Variants in AMZ1 observed in about 807,000 individuals in gnomAD.
The protein encoded by AMZ1 is archaelysin family metallopeptidase 1, also known as archaemetzincin-1.
AMZ1 carries 39 observed loss-of-function variants against 29.9 expected under a neutral mutation model. The observed-to-expected ratio is 1.30, with a 90% CI of 1.01 to 1.70. AMZ1 has a LOEUF of 1.70. Among genes scored for constraint, AMZ1 ranks in the 40% most tolerant of loss-of-function variants. AMZ1 has a pLI of 0.00. For missense variants in AMZ1, 1,041 were observed against 680.6 expected, an observed-to-expected ratio of 1.53 and a Z score of -5.89; for synonymous variants, 458 against 304.0, an observed-to-expected ratio of 1.51 and a Z score of -5.27.
chr7:2,751,425 A>G (rs1211833643), intron 4 of AMZ1, among the ~76,000 whole-genome samples: 1 of 151,966 alleles, frequency 6.6e-6, no homozygotes, highest in Non-Finnish European at 1.5e-5. Context: ...AGCTTATAGA[A>G]GAGAAAAAAT....
chr7:2,754,018 C>A (rs892456556), intron 4 of AMZ1, among the ~76,000 whole-genome samples: 9 of 152,198 alleles, frequency 5.9e-5, no homozygotes, highest in African/African-American at 2.2e-4. Flanking sequence ...TACATCTAAA[C>A]CCTTAAGTTC....
chr7:2,712,368 G>C lies in AMZ1; in HGVS notation c.987G>C (p.Trp329Cys). Residue 329 changes from tryptophan to cysteine, a missense_variant, in exon 7 of 7, where the codon TGG (tryptophan) becomes TGC (cysteine). Trp to Cys is a radical substitution (Grantham distance 215). Coordinates refer to ENST00000683327, the MANE Select transcript of AMZ1 (RefSeq NM_001384743.1). Reference sequence around the variant, plus strand: ...GGACTCAGGCGGTGGTGGGGACGTGGCCCAGCCAGGAGGCGGGGGAGCCGT... The same window carrying C: ...GGACTCAGGCGGTGGTGGGGACGTGCCCCAGCCAGGAGGCGGGGGAGCCGT... Reference protein sequence around the residue: ...YTWTQAVVGTWPSQEAGEPSV... With the variant: ...YTWTQAVVGTCPSQEAGEPSV... 1 of 1,603,910 alleles carries C rather than the reference G, an allele frequency of 6.2e-7. No homozygotes were observed. The highest frequency in any genetic ancestry group is 8.5e-7 in the Non-Finnish European group (1 of 1,174,998).
intron 4 of AMZ1, among the ~76,000 whole-genome samples, chr7:2,749,654 A>C (rs954702911): frequency 3.9e-5 from 6 of 152,178 alleles, no homozygotes; most frequent in African/African-American, 4.8e-5. Context: ...TAGAACTTAA[A>C]GTATAATAAT....
At chr7:2,721,010 T>A (rs909297201), downstream of AMZ1, among the ~76,000 whole-genome samples, 1 of 152,216 alleles carries the variant, frequency 6.6e-6, no homozygotes, top group African/African-American at 2.4e-5. Flanking sequence ...TGTCACAGCA[T>A]GTTTCCTGTG....
chr7:2,751,940 C>T (rs1043155644), intron 4 of AMZ1, among the ~76,000 whole-genome samples: 4 of 152,164 alleles, frequency 2.6e-5, no homozygotes, highest in African/African-American at 9.7e-5. Flanking sequence ...AGAAATAACA[C>T]TAACGAACGT....
Position 2,714,303 on chromosome 7 carries a change from C to G in AMZ1, c.*1425C>G, listed in dbSNP as rs1027975121. 3 of 152,376 alleles carry G rather than the reference C, an allele frequency of 2.0e-5. No homozygotes were observed. The highest frequency in any genetic ancestry group is 1.3e-4 in the Admixed American group (2 of 15,278). The allele number at this position is 152,376 out of a possible 1,614,324, so 9.4% of individuals were successfully genotyped here. ...AGAAAAACAAAATACAAAACTAAAA[C>G]TAGAAGGGCTATGCAGGTGAGGTGG... is the stretch of plus-strand genomic sequence containing the variant. On this transcript the variant is annotated 3_prime_UTR_variant, in exon 7 of 7. Coordinates refer to ENST00000683327, the MANE Select transcript of AMZ1 (RefSeq NM_001384743.1).
chr7:2,709,424 G>T (rs6960470), intron 5 of AMZ1, among the ~76,000 whole-genome samples, 180 bp downstream of exon 5: 1 of 152,080 alleles, frequency 6.6e-6, no homozygotes, highest in African/African-American at 2.4e-5. Flanking sequence ...AGAGCCCCAA[G>T]CCCCTATCCT....
intron 4 of AMZ1, among the ~76,000 whole-genome samples, chr7:2,737,439 C>G (rs1583212938): frequency 6.6e-6 from 1 of 152,002 alleles, no homozygotes; most frequent in South Asian, 2.1e-4. Flanking sequence ...CAGGCGTGCA[C>G]TACCACACCC....
chr7:2,742,513 G>A (rs1024400656), intron 4 of AMZ1, among the ~76,000 whole-genome samples: 1 of 152,180 alleles, frequency 6.6e-6, no homozygotes. Context: ...TGGACTCACA[G>A]ACGCTGTCAT....
intron 5 of AMZ1, 27 bp from the exon 6 acceptor site, chr7:2,709,613 C>A (rs780649796): frequency 6.2e-7 from 1 of 1,600,078 alleles, no homozygotes; most frequent in African/African-American, 1.3e-5. Flanking sequence ...GGCAGTGAGG[C>A]AAGGTGCTTG....
intron 1 of AMZ1, among the ~76,000 whole-genome samples, chr7:2,693,179 G>T (rs900361335): frequency 1.3e-5 from 2 of 152,170 alleles, no homozygotes; most frequent in African/African-American, 2.4e-5. Context: ...TCGGCTCACC[G>T]CAACCTCCGC....
intron 6 of AMZ1, among the ~76,000 whole-genome samples, chr7:2,710,105 T>C (rs1788672081): frequency 6.6e-6 from 1 of 152,186 alleles, no homozygotes; most frequent in Non-Finnish European, 1.5e-5. Flanking sequence ...AGAGCTGGCA[T>C]TGGAGCCCAG....
chr7:2,709,862 G>A (rs766737227), intron 6 of AMZ1, 46 bp downstream of exon 6: 37 of 1,596,620 alleles, frequency 2.3e-5, no homozygotes, highest in African/African-American at 5.4e-5. Flanking sequence ...CCTGCGCTCC[G>A]GAGGCCCGCG....
chr7:2,680,034 C>A (rs1314001038), intron 1 of AMZ1, among the ~76,000 whole-genome samples: 2 of 152,130 alleles, frequency 1.3e-5, no homozygotes, highest in South Asian at 2.1e-4. Context: ...GAGACGTGGT[C>A]TTTGAAAGGC....
Position 2,714,728 on chromosome 7 carries a change from C to G in AMZ1, c.*1850C>G, listed in dbSNP as rs531752714. On this transcript the variant is annotated 3_prime_UTR_variant, in exon 7 of 7. Coordinates refer to ENST00000683327, the MANE Select transcript of AMZ1 (RefSeq NM_001384743.1). ...GGCTCGACTGGAGTGTTCGTTCACA[C>G]GGCTGCCAAGTGGAATTTGGCTGGG... The G allele has an allele frequency of 6.6e-6, 1 of 152,196 alleles. No homozygotes were observed. The highest frequency in any genetic ancestry group is 2.4e-5 in the African/African-American group (1 of 41,426). 9.4% of individuals were successfully genotyped at this position (152,196 alleles called of 1,614,324 possible). A position where few individuals can be genotyped will look rare whatever the true frequency, so the allele number is the denominator to read the frequency against.
intron 3 of AMZ1, among the ~76,000 whole-genome samples, chr7:2,706,274 C>T (rs1788350492): frequency 6.6e-6 from 1 of 152,178 alleles, no homozygotes; most frequent in Non-Finnish European, 1.5e-5. Flanking sequence ...CTCCTGGGCT[C>T]CTCTGCCTCA....
intron 1 of AMZ1, among the ~76,000 whole-genome samples, chr7:2,690,223 G>GAC (rs1787305056): frequency 6.6e-6 from 1 of 150,428 alleles, no homozygotes; most frequent in Non-Finnish European, 1.5e-5. Context: ...GAGAGAGAGA[G>GAC]ACAGACAGAC....
intron 1 of AMZ1, among the ~76,000 whole-genome samples, chr7:2,699,172 T>A (rs967070498): frequency 5.9e-5 from 9 of 152,200 alleles, no homozygotes; most frequent in African/African-American, 1.4e-4. Context: ...CCACTCTCCA[T>A]CCGCCCTGGC....
intron 3 of AMZ1, among the ~76,000 whole-genome samples, chr7:2,706,017 C>T (rs1488991352): frequency 2.6e-5 from 4 of 152,200 alleles, no homozygotes; most frequent in South Asian, 4.1e-4. Context: ...GGCTTTCCAC[C>T]CCCTCTGCTT....
Sources: gnomAD v4.1 joint callset for allele counts (sites outside exome capture counted in the v4.1 genomes callset) on GRCh38, gnomAD v4.1.1 for gene constraint, MANE v1.5 for transcripts, NCBI Gene and HGNC (gene_info 2026-07-23, HGNC 2026-07-21) for gene names.